CA10: variants seen among roughly 807,000 people sequenced by gnomAD.
The protein encoded by CA10 is carbonic anhydrase 10 (inactive), also known as carbonic anhydrase-related protein 10.
A neutral mutation model predicts 44.2 loss-of-function variants in CA10; 14 were observed. The observed-to-expected ratio is 0.32, with a 90% confidence interval of 0.21 to 0.50. The LOEUF (loss-of-function observed/expected upper bound fraction) is 0.50, where lower values mean the gene tolerates loss of function less well. Among genes scored for constraint, CA10 ranks in the 20% least tolerant of loss-of-function variants. The pLI is 0.99. For missense variants in CA10, 350 were observed against 409.7 expected (o/e 0.85, Z 1.26); for synonymous variants, 159 against 141.6 (o/e 1.12, Z -0.87).
intron 2 of CA10, among the ~76,000 whole-genome samples, chr17:51,974,525 AAAAG>A (rs1205562870): frequency 2.0e-5 from 3 of 152,086 alleles, no homozygotes; most frequent in East Asian, 1.9e-4. Context: ...GTAACAAAAA[AAAAG>A]AAAGAAAAGA....
chr17:51,656,894 G>C (rs887970305), intron 4 of CA10, among the ~76,000 whole-genome samples: 2 of 152,210 alleles, frequency 1.3e-5, no homozygotes, highest in African/African-American at 4.8e-5. Flanking sequence ...TTCAATTTGG[G>C]TGGGTTAAGG....
intron 3 of CA10, among the ~76,000 whole-genome samples, chr17:51,901,084 C>T (rs183934401): frequency 6.6e-6 from 1 of 152,146 alleles, no homozygotes; most frequent in Non-Finnish European, 1.5e-5. Context: ...AAGAAGACAT[C>T]TTGGCTTTTT....
chr17:52,134,559 T>C (rs1471382923), intron 1 of CA10, among the ~76,000 whole-genome samples: 3 of 152,200 alleles, frequency 2.0e-5, no homozygotes, highest in Non-Finnish European at 4.4e-5. Context: ...AAACAATCAA[T>C]ACCAGCAGCT....
chr17:51,757,504 ACTG>A (rs1169770211), intron 3 of CA10, among the ~76,000 whole-genome samples: 1 of 152,128 alleles, frequency 6.6e-6, no homozygotes, highest in African/African-American at 2.4e-5. Flanking sequence ...AAATCAACCC[ACTG>A]AGTGTTTCTT....
chr17:51,779,708 G>A (rs1270428793), intron 3 of CA10, among the ~76,000 whole-genome samples: 2 of 152,196 alleles, frequency 1.3e-5, no homozygotes, highest in Non-Finnish European at 2.9e-5. Flanking sequence ...CACTGCAGCT[G>A]TTTGTGAAAC....
At chr17:51,680,738 C>A (rs1914817245) in intron 4 of CA10, among the ~76,000 whole-genome samples, 1 of 152,184 alleles carries the variant, frequency 6.6e-6, no homozygotes, top group South Asian at 2.1e-4. Flanking sequence ...ATGTCAACAG[C>A]ACCCTCAATA....
rs111991297 is a variant in CA10, at chr17:51,752,920, A to AAAATAAAT, written c.280-5110_280-5103dup. Among the ~76,000 whole-genome samples the AAAATAAAT allele has an allele frequency of 1.5e-3, 223 of 152,202 alleles. 1 individual carries two copies. The highest frequency in any genetic ancestry group is 4.9e-3 in the African/African-American group (203 of 41,482). On this transcript the variant is annotated intron_variant, in intron 3 of 8. Transcript: ENST00000451037. ...GGTGACAGAGTGAGACTGCATCTCAAAAATAAATAAATAAATAAATAAAAT... is the reference window on the plus strand; with the variant it reads ...GGTGACAGAGTGAGACTGCATCTCAAAAATAAATAAATAAATAAATAAATAAATAAAAT...
chr17:51,886,084 A>T (rs1320110573), intron 3 of CA10, among the ~76,000 whole-genome samples: 2 of 152,292 alleles, frequency 1.3e-5, no homozygotes, highest in African/African-American at 4.8e-5. Context: ...AGGACAAAAA[A>T]CTGGACTTAA....
At chr17:52,002,879 C>A (rs540714150) in intron 2 of CA10, among the ~76,000 whole-genome samples, 17 of 151,990 alleles carry the variant, frequency 1.1e-4, no homozygotes, top group African/African-American at 3.9e-4. Context: ...GAAGTTTAGT[C>A]GAGATCCCAC....
chr17:51,719,744 C>G (rs973806357), intron 4 of CA10, among the ~76,000 whole-genome samples: 23 of 152,006 alleles, frequency 1.5e-4, no homozygotes, highest in African/African-American at 5.3e-4. Flanking sequence ...AAAAAGTTAG[C>G]CAGGCATGGT....
chr17:51,780,645 AG>A (rs1288173577), intron 3 of CA10, among the ~76,000 whole-genome samples: 4 of 152,240 alleles, frequency 2.6e-5, no homozygotes, highest in African/African-American at 7.2e-5. Context: ...ATGCAAGAGT[AG>A]AAGTACACAC....
intron 1 of CA10, among the ~76,000 whole-genome samples, chr17:52,112,130 A>G (rs1988800025): frequency 6.6e-6 from 1 of 152,046 alleles, no homozygotes; most frequent in Admixed American, 6.6e-5. Flanking sequence ...TACTGCCCCA[A>G]TTCACCAGAT....
At chr17:51,777,134 G>A (rs978455163) in intron 3 of CA10, among the ~76,000 whole-genome samples, 5 of 152,220 alleles carry the variant, frequency 3.3e-5, no homozygotes, top group Non-Finnish European at 7.3e-5. Context: ...TAGGTTTCTG[G>A]CTTACAATTG....
chr17:52,104,733 T>C (rs972122935), intron 1 of CA10, among the ~76,000 whole-genome samples: 1 of 152,190 alleles, frequency 6.6e-6, no homozygotes, highest in Non-Finnish European at 1.5e-5. Context: ...TAAAGAGGCA[T>C]TCACCCTCTC....
chr17:52,077,218 G>A lies in CA10; in HGVS notation c.62-4825C>T, dbSNP rs116147809. Among the ~76,000 whole-genome samples the A allele has an allele frequency of 3.1e-3, 469 of 152,206 alleles. 2 individuals carry two copies. In the Middle Eastern group the frequency reaches 0.044, roughly 14 times the overall value. Reference sequence around the variant, plus strand: ...ACATAATTCTACTTCTGAATGAATGGGATAGCTGAAGAAGTCATCGTTGGG... The same window carrying A: ...ACATAATTCTACTTCTGAATGAATGAGATAGCTGAAGAAGTCATCGTTGGG... On this transcript the variant is annotated intron_variant, in intron 1 of 8. Transcript: ENST00000451037.
chr17:51,904,807 G>A (rs1466809606), intron 3 of CA10, among the ~76,000 whole-genome samples: 5 of 152,016 alleles, frequency 3.3e-5, no homozygotes, highest in Non-Finnish European at 5.9e-5. Flanking sequence ...CCTATCGGAG[G>A]CAATGCATGT....
chr17:52,066,767 C>T (rs929490567), intron 2 of CA10, among the ~76,000 whole-genome samples: 5 of 152,176 alleles, frequency 3.3e-5, no homozygotes, highest in Admixed American at 6.5e-5. Context: ...AAAGGTGACT[C>T]TTGCTATGCT....
intron 6 of CA10, among the ~76,000 whole-genome samples, chr17:51,644,102 C>G (rs1472016924): frequency 6.6e-6 from 1 of 152,166 alleles, no homozygotes; most frequent in Non-Finnish European, 1.5e-5. Context: ...CCTCTTTCCT[C>G]CTTGTATGAA....
At chr17:51,715,737 C>T in intron 4 of CA10, among the ~76,000 whole-genome samples, 1 of 152,052 alleles carries the variant, frequency 6.6e-6, no homozygotes, top group Non-Finnish European at 1.5e-5. Flanking sequence ...GTTACCCAGG[C>T]TGGAGTACAC....
Sources: allele counts gnomAD v4.1 joint callset (sites outside exome capture counted in the v4.1 genomes callset), GRCh38; gene constraint gnomAD v4.1.1; transcripts MANE v1.5; gene names NCBI Gene and HGNC (gene_info 2026-07-23, HGNC 2026-07-21).